Variants in RIMS2 observed in about 807,000 individuals in gnomAD.
The protein encoded by RIMS2 is regulating synaptic membrane exocytosis protein 2.
A neutral mutation model predicts 174.4 loss-of-function variants in RIMS2; 59 were observed. That is an observed-to-expected ratio of 0.34 (90% confidence interval 0.27 to 0.42). The LOEUF is 0.42. RIMS2 is among the 10% of genes least tolerant of loss of function. The pLI is 1.00. For synonymous variants in RIMS2, 606 were observed against 572.5 expected, an observed-to-expected ratio of 1.06 and a Z score of -0.84; for missense variants, 1,620 against 1,666.3, an observed-to-expected ratio of 0.97 and a Z score of 0.48.
chr8:103,674,518 A>G (rs538825644), intron 1 of RIMS2, among the ~76,000 whole-genome samples: 3 of 151,564 alleles, frequency 2.0e-5, no homozygotes, highest in South Asian at 2.1e-4. Context: ...TTATTTTTTT[A>G]ATTTGAAGCA....
chr8:103,680,148 G>T (rs1207163122), intron 1 of RIMS2, among the ~76,000 whole-genome samples: 1 of 151,846 alleles, frequency 6.6e-6, no homozygotes, highest in Non-Finnish European at 1.5e-5. Context: ...TTGGAGTTTG[G>T]TTGTTATTAT....
intron 13 of RIMS2, 96 bp from the exon 16 acceptor site, chr8:103,942,677 C>A: frequency 1.2e-6 from 1 of 854,666 alleles, no homozygotes; most frequent in Non-Finnish European, 1.7e-6. Context: ...AATAGCATTA[C>A]TATTATAATT....
At chr8:104,052,310 T>C (rs2096799827) in intron 19 of RIMS2, among the ~76,000 whole-genome samples, 1 of 152,196 alleles carries the variant, frequency 6.6e-6, no homozygotes, top group South Asian at 2.1e-4. Context: ...GGATTTTATA[T>C]GTTACTCAAA....
intron 1 of RIMS2, among the ~76,000 whole-genome samples, chr8:103,675,622 A>C (rs1312932646): frequency 6.6e-6 from 1 of 152,222 alleles, no homozygotes; most frequent in Non-Finnish European, 1.5e-5. Flanking sequence ...GAAACATGTA[A>C]CAGAGATAGC....
chr8:103,876,907 T>TACAC (rs199688639), intron 3 of RIMS2, among the ~76,000 whole-genome samples: 945 of 48,206 alleles, frequency 0.02, 2 homozygotes, highest in Non-Finnish European at 0.039. Context: ...TATATATATA[T>TACAC]ATACACACAC....
chr8:103,962,078 A>G (rs928250601), intron 15 of RIMS2, among the ~76,000 whole-genome samples: 1 of 151,976 alleles, frequency 6.6e-6, no homozygotes, highest in African/African-American at 2.4e-5. Flanking sequence ...TTTGTATTCT[A>G]TTCCTTTGTT....
At chr8:104,015,847 A>G (rs113213110) in intron 19 of RIMS2, among the ~76,000 whole-genome samples, 5 of 152,194 alleles carry the variant, frequency 3.3e-5, no homozygotes, top group African/African-American at 1.2e-4. Flanking sequence ...TTACCATCAT[A>G]TATTTCATTT....
chr8:103,644,578 A>C (rs928688044), intron 1 of RIMS2, among the ~76,000 whole-genome samples: 4 of 151,974 alleles, frequency 2.6e-5, no homozygotes, highest in Non-Finnish European at 5.9e-5. Flanking sequence ...CAACATTTTA[A>C]TTTTGGTGAG....
chr8:104,248,982 G>T (rs1413073204), intron 21 of RIMS2, among the ~76,000 whole-genome samples, 169 bp downstream of exon 27: 1 of 142,142 alleles, frequency 7.0e-6, no homozygotes, highest in African/African-American at 2.7e-5. Context: ...AGGCTGAAGT[G>T]CAGTGGCATG....
chr8:103,682,638 C>T (rs775572047), intron 1 of RIMS2, among the ~76,000 whole-genome samples: 4 of 152,138 alleles, frequency 2.6e-5, no homozygotes, highest in Non-Finnish European at 5.9e-5. Context: ...CAATTAACTC[C>T]TGAGTCTGCC....
rs2097697834 is a variant in RIMS2 at position 104,093,467 on chromosome 8, A to T, written c.3334+78852A>T. 1 of 1,591,368 alleles carries T rather than the reference A, an allele frequency of 6.3e-7. No individual in the cohort carries two copies. The highest frequency in any genetic ancestry group is 1.3e-5 in the African/African-American group (1 of 74,696). On this transcript the variant is annotated intron_variant, in intron 19 of 23. Coordinates refer to ENST00000504942, the Ensembl canonical transcript of RIMS2. Reference sequence around the variant, plus strand: ...TCTGCGTATTTGTCAATCTGTGTTAACAGTATCGATCAGGATGGGATCCTC... The same window carrying T: ...TCTGCGTATTTGTCAATCTGTGTTATCAGTATCGATCAGGATGGGATCCTC...
chr8:103,766,882 T>C (rs2098178706), intron 3 of RIMS2, among the ~76,000 whole-genome samples: 1 of 152,192 alleles, frequency 6.6e-6, no homozygotes, highest in South Asian at 2.1e-4. Flanking sequence ...AGAGGTTGGA[T>C]TGATGGGACT....
At chr8:103,983,998 C>T (rs980030779) in intron 16 of RIMS2, among the ~76,000 whole-genome samples, 1 of 151,948 alleles carries the variant, frequency 6.6e-6, no homozygotes, top group Non-Finnish European at 1.5e-5. Context: ...ACGGTGAAAC[C>T]CCGTCTCTAC....
chr8:103,856,735 T>C (rs1363467563), intron 3 of RIMS2, among the ~76,000 whole-genome samples: 2 of 152,216 alleles, frequency 1.3e-5, no homozygotes, highest in Non-Finnish European at 2.9e-5. Flanking sequence ...TTGAACATTT[T>C]AATTTATAGT....
In RIMS2 at chr8:103,876,388, TA is replaced by T. The variant is rs2099136971; in HGVS notation, c.699-8907del. ...CCTTCCCCAGTGTATGGTTTTTTTT[TA>T]AATCCAAACTTATATTTTAAAAAAC... is the stretch of plus-strand genomic sequence containing the variant. On this transcript the variant is annotated intron_variant, in intron 3 of 23. Coordinates refer to ENST00000504942, the Ensembl canonical transcript of RIMS2. Among the ~76,000 whole-genome samples the T allele has an allele frequency of 5.9e-5, 9 of 151,394 alleles. No individual in the cohort carries two copies. In the Admixed American group the frequency reaches 6.0e-4, roughly 10 times the overall value.
intron 10 of RIMS2, among the ~76,000 whole-genome samples, chr8:103,926,176 C>T (rs927969725): frequency 2.2e-4 from 33 of 151,384 alleles, no homozygotes; most frequent in Admixed American, 1.8e-3. Flanking sequence ...TATTCTGTAA[C>T]GTTAATATTT....
chr8:103,628,354 GTT>G (rs5893660), intron 1 of RIMS2, among the ~76,000 whole-genome samples: 81 of 136,452 alleles, frequency 5.9e-4, no homozygotes, highest in East Asian at 1.5e-3. Flanking sequence ...TGAGATCCCT[GTT>G]TTTTTTTTTT....
At chr8:103,731,529 C>G (rs1369331154) in intron 2 of RIMS2, among the ~76,000 whole-genome samples, 2 of 152,114 alleles carry the variant, frequency 1.3e-5, no homozygotes. Context: ...TCCCTTTGAA[C>G]AAACTTTCTA....
intron 1 of RIMS2, among the ~76,000 whole-genome samples, chr8:103,535,419 T>C (rs895166745): frequency 5.3e-5 from 8 of 152,246 alleles, no homozygotes; most frequent in African/African-American, 1.9e-4. Context: ...ATGTGATTAT[T>C]CATTCCATAG....
Sources: allele counts gnomAD v4.1 joint callset (sites outside exome capture counted in the v4.1 genomes callset), GRCh38; gene constraint gnomAD v4.1.1; transcripts MANE v1.5; gene names NCBI Gene and HGNC (gene_info 2026-07-23, HGNC 2026-07-21).